The following DNAH7 variants were observed in gnomAD, a reference collection of about 807,000 sequenced individuals.
DNAH7 encodes the protein axonemal beta dynein heavy chain 7.
DNAH7 carries 397 observed loss-of-function variants against 444.6 expected under a neutral mutation model. That is an observed-to-expected ratio of 0.89 (90% CI 0.82 to 0.97). The LOEUF (loss-of-function observed/expected upper bound fraction) is 0.97. DNAH7 is among the 50% of genes least tolerant of loss of function. The pLI, the probability that DNAH7 is intolerant of heterozygous loss-of-function variation, is 0.00. For synonymous variants in DNAH7, 1,636 were observed against 1,624.4 expected, an observed-to-expected ratio of 1.01 and a Z score of -0.17; for missense variants, 4,902 against 4,800.8, an observed-to-expected ratio of 1.02 and a Z score of -0.62.
chr2:196,057,438 C>G (rs931424243), intron 2 of DNAH7, among the ~76,000 whole-genome samples: 1 of 152,086 alleles, frequency 6.6e-6, no homozygotes, highest in Non-Finnish European at 1.5e-5. Context: ...TATTTCATTT[C>G]AGGTTTACTT....
At chr2:195,886,032 C>G in intron 34 of DNAH7, 109 bp downstream of exon 34, 1 of 1,300,074 alleles carries the variant, frequency 7.7e-7, no homozygotes. Context: ...CACCCGTTGA[C>G]TAGTCTCCAA....
At position 196,000,936 on chromosome 2, in the gene DNAH7, C is replaced by CT. The variant is rs1287154774; in HGVS notation, c.1174-54dup. On this transcript the variant is annotated intron_variant, in intron 11 of 64. Coordinates refer to ENST00000312428, the MANE Select transcript of DNAH7 (RefSeq NM_018897.3). ...ATAAATATGTATGAATTGTGACAGA[C>CT]TAAGTAGTACACCAGTCCCAATTAG... The CT allele has an allele frequency of 9.9e-6, 14 of 1,410,050 alleles. No individual in the cohort carries two copies. The African/African-American group carries it at 1.6e-4, about 16-fold the overall frequency. 87.3% of individuals were successfully genotyped at this position (1,410,050 alleles called of 1,614,324 possible). A position where few individuals can be genotyped will look rare whatever the true frequency, so the allele number is the denominator to read the frequency against.
intron 5 of DNAH7, among the ~76,000 whole-genome samples, chr2:196,035,023 A>G (rs1696296003): frequency 6.6e-6 from 1 of 152,112 alleles, no homozygotes; most frequent in African/African-American, 2.4e-5. Context: ...CTCTACTAAA[A>G]ATACAAAAAT....
chr2:195,851,444 G>A (rs547608689), intron 46 of DNAH7, among the ~76,000 whole-genome samples: 7 of 152,346 alleles, frequency 4.6e-5, no homozygotes, highest in Admixed American at 3.9e-4. Context: ...CAGTGAATGA[G>A]TTCACAGAAG....
chr2:196,027,649 T>C (rs1372699111), intron 6 of DNAH7, among the ~76,000 whole-genome samples: 5 of 152,110 alleles, frequency 3.3e-5, no homozygotes, highest in Non-Finnish European at 7.4e-5. Flanking sequence ...TTGTAAAATA[T>C]ACATTATATA....
chr2:196,002,916 G>A (rs1694131288), intron 10 of DNAH7, among the ~76,000 whole-genome samples: 1 of 151,892 alleles, frequency 6.6e-6, no homozygotes, highest in South Asian at 2.1e-4. Flanking sequence ...GCTGAGGAAA[G>A]AGAATTGCTT....
rs1211315074 is a variant in DNAH7, at chr2:196,012,840, A to G, written c.936T>C (p.Phe312=). The change falls in exon 10 of 65, where the codon TTT becomes TTC. Residue 312 remains phenylalanine (F), a synonymous_variant. Transcript: ENST00000312428. ...CCATGTGTCTCATGATAATGTTCTG[A>G]AAACTTGACAGCTCTAATGCATCCT... The part of the protein sequence containing the change: ...NCQDALELSS[F]QNIIMRHMDS... 6.3e-7 allele frequency: 1 copy of G among 1,578,970 alleles called. No individual in the cohort carries two copies. The highest frequency in any genetic ancestry group is 1.4e-5 in the African/African-American group (1 of 73,140).
rs74806389 is a variant in DNAH7, at chr2:195,934,273, A to G, written c.3471+318T>C. On this transcript the variant is annotated intron_variant, in intron 21 of 64. Transcript: ENST00000312428. Reference sequence around the variant, plus strand: ...AGAGAGGTGCTTCCAAGGCAAGACTAAAGAGAGACTGCATAGAACAAAGTG... The same window carrying G: ...AGAGAGGTGCTTCCAAGGCAAGACTGAAGAGAGACTGCATAGAACAAAGTG... Among the ~76,000 whole-genome samples the G allele has an allele frequency of 0.019, 2,940 of 152,300 alleles. 247 individuals carry two copies. In the East Asian group the frequency reaches 0.27, roughly 14 times the overall value.
intron 61 of DNAH7, among the ~76,000 whole-genome samples, chr2:195,765,098 C>T (rs1007900249): frequency 8.5e-5 from 13 of 152,096 alleles, no homozygotes; most frequent in African/African-American, 3.1e-4. Flanking sequence ...CTACAGTGAA[C>T]TCATTTTTGA....
At position 195,824,281 on chromosome 2, in the gene DNAH7, G is replaced by C. The variant is rs767518955; in HGVS notation, c.9265C>G (p.His3089Asp). 16 of 1,613,108 alleles carry C rather than the reference G, an allele frequency of 9.9e-6. No homozygotes were observed. The East Asian group carries it at 3.6e-4, about 36-fold the overall frequency. The change falls in exon 49 of 65, where the codon CAT becomes GAT. Residue 3089 changes from histidine to aspartate, a missense_variant. Transcript: ENST00000312428. ...TTTACTGATGTTTCAGGAAGATAAT[G>C]AGGATTTCTTAACTTGGTAGTAATA... ...FYITTKLRNP[H>D]YLPETSVKVT... is the part of the protein sequence containing the mutation.
chr2:195,970,927 T>C (rs1259784139), intron 16 of DNAH7, among the ~76,000 whole-genome samples: 2 of 152,192 alleles, frequency 1.3e-5, no homozygotes, highest in African/African-American at 2.4e-5. Flanking sequence ...TGTGTGTAGT[T>C]TGTGGAATAG....
At position 195,972,280 on chromosome 2, in the gene DNAH7, T is replaced by C. The variant is rs1303004271; in HGVS notation, c.2020A>G (p.Ile674Val). The C allele has an allele frequency of 2.5e-6, 4 of 1,614,016 alleles. No individual in the cohort carries two copies. The highest frequency in any genetic ancestry group is 1.1e-5 in the South Asian group (1 of 91,088). The change falls in exon 16 of 65, where the codon ATT (isoleucine) becomes GTT (valine). Residue 674 changes from isoleucine (I) to valine (V), a missense_variant. Ile to Val is a conservative substitution (Grantham distance 29). Coordinates refer to ENST00000312428, the MANE Select transcript of DNAH7 (RefSeq NM_018897.3). Reference protein sequence around the residue: ...GEIFEEHRKIIKEKIEQYQEG... With the variant: ...GEIFEEHRKIVKEKIEQYQEG... ...TGATATTGTTCTATTTTCTCTTTAATGATTTTCCTGTGTTCTTCAAAAATT... is the reference window on the plus strand; with the variant it reads ...TGATATTGTTCTATTTTCTCTTTAACGATTTTCCTGTGTTCTTCAAAAATT...
chr2:195,999,166 G>A (rs1191230223), intron 12 of DNAH7: 15 of 717,324 alleles, frequency 2.1e-5, no homozygotes, highest in Admixed American at 2.0e-4. Context: ...CTGAGGAGAC[G>A]AAACTTCAGA....
rs575659551 is a variant in DNAH7, at chr2:195,939,505, A to G, written c.3079-2713T>C. Among the ~76,000 whole-genome samples the G allele has an allele frequency of 1.2e-3, 181 of 152,260 alleles. 2 individuals carry two copies. The highest frequency in any genetic ancestry group is 4.1e-3 in the African/African-American group (172 of 41,568). On this transcript the variant is annotated intron_variant, in intron 19 of 64. Coordinates refer to ENST00000312428, the MANE Select transcript of DNAH7 (RefSeq NM_018897.3). ...CCATGTCACAGAAGGCTGGTACTTC[A>G]TAGCTATGTCCTCAGAACATAGCAA... is the stretch of plus-strand genomic sequence containing the variant.
chr2:195,913,291 G>C lies in DNAH7; in HGVS notation c.3936-3096C>G, dbSNP rs1574749031. Among the ~76,000 whole-genome samples, 3 of 152,110 alleles carry C rather than the reference G, an allele frequency of 2.0e-5. No homozygotes were observed. The South Asian group carries it at 6.2e-4, about 31-fold the overall frequency. On this transcript the variant is annotated intron_variant, in intron 24 of 64. Coordinates refer to ENST00000312428, the MANE Select transcript of DNAH7 (RefSeq NM_018897.3). ...CATTTTATTATTCAGAAAGGGAATA[G>C]AGATATTTATTAACTTTAGGCTTTA...
At chr2:195,865,486 C>T (rs1700275565) in intron 40 of DNAH7, among the ~76,000 whole-genome samples, 1 of 152,150 alleles carries the variant, frequency 6.6e-6, no homozygotes, top group Admixed American at 6.5e-5. Context: ...TCAAAAAGCA[C>T]ATTTTCTAGA....
At chr2:196,004,962 CAAAAAAAAAAA>C (rs60564090) in intron 10 of DNAH7, among the ~76,000 whole-genome samples, 4 of 63,654 alleles carry the variant, frequency 6.3e-5, no homozygotes, top group Admixed American at 1.9e-4. Flanking sequence ...GGCCTTGTGT[CAAAAAAAAAAA>C]AAAAAAAAAA....
intron 29 of DNAH7, 45 bp from the exon 30 acceptor site, chr2:195,895,269 T>C (rs1286051931): frequency 1.5e-6 from 2 of 1,307,424 alleles, no homozygotes; most frequent in East Asian, 2.6e-5. Flanking sequence ...TATATTTATA[T>C]TAAATACAAA....
chr2:195,796,913 C>T (rs1574452032), intron 55 of DNAH7, among the ~76,000 whole-genome samples, 176 bp from the exon 56 acceptor site: 2 of 151,972 alleles, frequency 1.3e-5, no homozygotes, highest in Admixed American at 6.6e-5. Context: ...ATAAACACTT[C>T]GATAAAAAGC....
Sources: gnomAD v4.1 joint callset for allele counts (sites outside exome capture counted in the v4.1 genomes callset) on GRCh38, gnomAD v4.1.1 for gene constraint, MANE v1.5 for transcripts, NCBI Gene and HGNC (gene_info 2026-07-23, HGNC 2026-07-21) for gene names.